The following CD151 variants were observed in gnomAD, a reference collection of about 807,000 sequenced individuals.
CD151 encodes the protein CD151 antigen.
Under a neutral mutation model 34.2 loss-of-function variants are expected in CD151, and 20 were observed. That is an observed-to-expected ratio of 0.58 (90% confidence interval 0.41 to 0.85). CD151 has a LOEUF of 0.85. Ranked by LOEUF, CD151 falls within the 40% of genes least tolerant of loss-of-function variation. The pLI is 0.00. For synonymous variants in CD151, 157 were observed against 131.7 expected (o/e 1.19, Z -1.32); for missense variants, 306 against 324.5 (o/e 0.94, Z 0.44).
chr11:834,365 AG>A (rs2133955659), intron 1 of CD151, 164 bp from the exon 2 acceptor site: 1 of 152,596 alleles, frequency 6.6e-6, no homozygotes, highest in Admixed American at 6.5e-5. Flanking sequence ...TCTCAAAAAA[AG>A]AAAAAAAGAA....
Position 837,480 on chromosome 11 carries a change from C to T in CD151, c.477C>T (p.Asn159=), listed in dbSNP as rs1162525540. ...TGCAGTTCCACTGCTGTGGCAGCAACAACTCACAGGACTGGCGAGACAGTG... is the reference window on the plus strand; with the variant it reads ...TGCAGTTCCACTGCTGTGGCAGCAATAACTCACAGGACTGGCGAGACAGTG... ...LQQEFHCCGS[N]NSQDWRDSEW... The change falls in exon 7 of 9, where the codon AAC becomes AAT. Residue 159 remains asparagine (N), a synonymous_variant. Transcript: ENST00000397420. 5 of 1,612,966 alleles carry T rather than the reference C, an allele frequency of 3.1e-6. No individual in the cohort carries two copies. The highest frequency in any genetic ancestry group is 4.2e-6 in the Non-Finnish European group (5 of 1,179,968).
chr11:836,819 C>T lies in CD151; in HGVS notation c.327C>T (p.Ile109=), dbSNP rs1385806659. The T allele has an allele frequency of 1.2e-6, 2 of 1,612,746 alleles. No individual in the cohort carries two copies. Among genetic ancestry groups the T allele is most frequent in the Admixed American group, 1.7e-5 (1 of 60,000 alleles). ...IIFLLEIIAG[I]LAYAYYQQLN... Reference sequence around the variant, plus strand: ...TTCTGCTGGAGATCATCGCTGGTATCCTCGCCTACGCCTACTACCAGCAGG... The same window carrying T: ...TTCTGCTGGAGATCATCGCTGGTATTCTCGCCTACGCCTACTACCAGCAGG... The change falls in exon 5 of 9, where the codon ATC becomes ATT. Residue 109 remains isoleucine, a synonymous_variant. Transcript: ENST00000397420.
Position 836,413 on chromosome 11 carries a change from T to A in CD151, c.247T>A (p.Phe83Ile). 6.2e-7 allele frequency: 1 copy of A among 1,610,890 alleles called. No homozygotes were observed. The highest frequency in any genetic ancestry group is 8.5e-7 in the Non-Finnish European group (1 of 1,179,620). Residue 83 changes from phenylalanine to isoleucine, a missense_variant, in exon 4 of 9, where the codon TTC (phenylalanine) becomes ATC (isoleucine). Transcript: ENST00000397420. The part of the protein sequence containing the change: ...VTGVLGCCAT[F>I]KERRNLLRLY... ...TGGGGTCTTGGGCTGCTGCGCCACC[T>A]TCAAGGAGCGTCGGAACCTGCTGCG...
intron 2 of CD151, 55 bp downstream of exon 2, chr11:834,646 G>C (rs1479291155): frequency 6.6e-6 from 1 of 151,456 alleles, no homozygotes; most frequent in Non-Finnish European, 1.5e-5. Flanking sequence ...GTCCAGACCT[G>C]GCTGTGCTGT....
chr11:833,539 C>T (rs922733878), intron 1 of CD151, among the ~76,000 whole-genome samples: 3 of 152,238 alleles, frequency 2.0e-5, no homozygotes, highest in Admixed American at 2.0e-4. Flanking sequence ...CTGGGGCTCC[C>T]CCTGATAGGG....
intron 1 of CD151, among the ~76,000 whole-genome samples, chr11:833,736 A>G (rs949610296): frequency 3.1e-5 from 4 of 128,834 alleles, no homozygotes; most frequent in Non-Finnish European, 6.8e-5. Flanking sequence ...CAACTTCTCC[A>G]GAAAGCCTGG....
At chr11:836,953 G>A (rs1365080382) in intron 5 of CD151, 110 bp downstream of exon 5, 1 of 956,050 alleles carries the variant, frequency 1.0e-6, no homozygotes, top group African/African-American at 1.6e-5. Context: ...TGGTCCCAGA[G>A]CTAACCAATG....
chr11:837,972 A>C lies in CD151; in HGVS notation c.646A>C (p.Ile216Leu), dbSNP rs778535154. 1 of 1,613,174 alleles carries C rather than the reference A, an allele frequency of 6.2e-7. No homozygotes were observed. The highest frequency in any genetic ancestry group is 1.3e-5 in the African/African-American group (1 of 74,940). Residue 216 changes from isoleucine to leucine, a missense_variant, in exon 8 of 9, where the codon ATC (isoleucine) becomes CTC (leucine). Ile to Leu is a conservative substitution (Grantham distance 5). Transcript: ENST00000397420. Reference sequence around the variant, plus strand: ...CTGCATCACCAAGTTGGAGACCTTCATCCAGGAGCACCTGAGGGTCATTGG... The same window carrying C: ...CTGCATCACCAAGTTGGAGACCTTCCTCCAGGAGCACCTGAGGGTCATTGG... ...GGCITKLETF[I>L]QEHLRVIGAV...
At position 835,878 on chromosome 11, in the gene CD151, G is replaced by A. The variant is rs34037130; in HGVS notation, c.-7-185G>A. The A allele has an allele frequency of 0.015, 8,567 of 571,142 alleles. 103 individuals are homozygous for A. The highest frequency in any genetic ancestry group is 0.017 in the South Asian group (871 of 51,160). The allele number at this position is 571,142 out of a possible 1,614,324, so 35.4% of individuals were successfully genotyped here. On this transcript the variant is annotated intron_variant, in intron 2 of 8. Transcript: ENST00000397420. ...AATTTTTTGTATTTCTAGTACAGAC[G>A]GGGTTTCACCGTGTTAGCCAGGATG...
rs1846822203 is a variant in CD151 at position 837,547 on chromosome 11, G to A, written c.544G>A (p.Asp182Asn). 6.2e-7 allele frequency: 1 copy of A among 1,613,034 alleles called. No individual in the cohort carries two copies. Among genetic ancestry groups the A allele is most frequent in the Admixed American group, 1.7e-5 (1 of 59,992 alleles). Residue 182 changes from aspartate (D) to asparagine (N), a missense_variant, in exon 7 of 9, where the codon GAC (aspartate) becomes AAC (asparagine). Asp to Asn is a conservative substitution (Grantham distance 23). Transcript: ENST00000397420. ...GGAGGCCGGTGGCCGTGTGGTCCCAGACAGCTGCTGCAAGACGGTGGTGGC... is the reference window on the plus strand; with the variant it reads ...GGAGGCCGGTGGCCGTGTGGTCCCAAACAGCTGCTGCAAGACGGTGGTGGC... ...SQEAGGRVVP[D>N]SCCKTVVALC... is the part of the protein sequence containing the mutation.
chr11:836,215 T>C (rs1344084194), intron 3 of CD151, 36 bp from the exon 4 acceptor site: 1 of 1,450,334 alleles, frequency 6.9e-7, no homozygotes, highest in Admixed American at 1.7e-5. Flanking sequence ...CCATCAGACC[T>C]GGGCAGATGC....
intron 1 of CD151, 74 bp from the exon 2 acceptor site, chr11:834,456 A>G (rs1034147226): frequency 6.6e-6 from 1 of 152,406 alleles, no homozygotes; most frequent in Non-Finnish European, 1.5e-5. Context: ...CTCTGCCTCC[A>G]GAATGAACCC....
At position 836,451 on chromosome 11, in the gene CD151, G is replaced by T; in HGVS notation, c.276+9G>T. Reference sequence around the variant, plus strand: ...GGAACCTGCTGCGCCTGGTCAGGAGGGCGCAGGGCCACGGGGTGGGGGTGG... The same window carrying T: ...GGAACCTGCTGCGCCTGGTCAGGAGTGCGCAGGGCCACGGGGTGGGGGTGG... On this transcript the variant is annotated intron_variant, in intron 4 of 8. Coordinates refer to ENST00000397420, the MANE Select transcript of CD151 (RefSeq NM_004357.5). 1 of 1,596,994 alleles carries T rather than the reference G, an allele frequency of 6.3e-7. No homozygotes were observed. The highest frequency in any genetic ancestry group is 8.5e-7 in the Non-Finnish European group (1 of 1,173,086).
intron 1 of CD151, among the ~76,000 whole-genome samples, chr11:833,818 C>CCCCCCCA (rs1846644622): frequency 4.1e-5 from 1 of 24,454 alleles, no homozygotes; most frequent in African/African-American, 1.1e-4. Flanking sequence ...AGACGCACAC[C>CCCCCCCA]CCGCCCCCCG....
In CD151 at chr11:838,405, T is replaced by C; in HGVS notation, c.*213T>C. 1 of 590,668 alleles carries C rather than the reference T, an allele frequency of 1.7e-6. No individual in the cohort carries two copies. Among genetic ancestry groups the C allele is most frequent in the South Asian group, 2.0e-5 (1 of 50,502 alleles). 36.6% of individuals were successfully genotyped at this position (590,668 alleles called of 1,614,324 possible). A position where few individuals can be genotyped will look rare whatever the true frequency, so the allele number is the denominator to read the frequency against. ...GGCGGGGCGAAGTTTGGGGGGTGTT[T>C]TGTGGGGCTCCCCAGACACACTCTC... On this transcript the variant is annotated 3_prime_UTR_variant, in exon 9 of 9. Transcript: ENST00000397420.
At position 838,280 on chromosome 11, in the gene CD151, C is replaced by T. The variant is rs1846858700; in HGVS notation, c.*88C>T. On this transcript the variant is annotated 3_prime_UTR_variant, in exon 9 of 9. Coordinates refer to ENST00000397420, the MANE Select transcript of CD151 (RefSeq NM_004357.5). ...GGCTGGGCTCCCTGATGACACCCAC[C>T]CTGTGCCATCACCATAACCTCTGGG... 4 of 1,096,088 alleles carry T rather than the reference C, an allele frequency of 3.6e-6. No homozygotes were observed. The highest frequency in any genetic ancestry group is 2.5e-5 in the South Asian group (2 of 79,072). 67.9% of individuals were successfully genotyped at this position (1,096,088 alleles called of 1,614,324 possible).
Position 838,279 on chromosome 11 carries a change from C to T in CD151, c.*87C>T. The stretch of plus-strand genomic sequence containing the variant: ...GGGCTGGGCTCCCTGATGACACCCA[C>T]CCTGTGCCATCACCATAACCTCTGG... On this transcript the variant is annotated 3_prime_UTR_variant, in exon 9 of 9. Coordinates refer to ENST00000397420, the MANE Select transcript of CD151 (RefSeq NM_004357.5). The T allele has an allele frequency of 8.1e-6, 9 of 1,113,870 alleles. No individual in the cohort carries two copies. The highest frequency in any genetic ancestry group is 1.1e-5 in the Non-Finnish European group (8 of 731,166). The allele number at this position is 1,113,870 out of a possible 1,614,324, so 69.0% of individuals were successfully genotyped here.
intron 7 of CD151, 31 bp downstream of exon 7, chr11:837,649 G>A: frequency 1.3e-6 from 2 of 1,565,474 alleles, no homozygotes; most frequent in Non-Finnish European, 8.6e-7. Context: ...TGCCTCCAGT[G>A]TCTACGAGGT....
Position 838,323 on chromosome 11 carries a change from C to A in CD151, c.*131C>A. On this transcript the variant is annotated 3_prime_UTR_variant, in exon 9 of 9. Transcript: ENST00000397420. ...CCTCTGGGGACCCCAACCTCAGAGGCAGCTTCAAGTGCCTTTTGCTGCGCA... is the reference window on the plus strand; with the variant it reads ...CCTCTGGGGACCCCAACCTCAGAGGAAGCTTCAAGTGCCTTTTGCTGCGCA... 1 of 746,222 alleles carries A rather than the reference C, an allele frequency of 1.3e-6. No homozygotes were observed. The highest frequency in any genetic ancestry group is 2.3e-6 in the Non-Finnish European group (1 of 436,538). 46.2% of individuals were successfully genotyped at this position (746,222 alleles called of 1,614,324 possible). A position where few individuals can be genotyped will look rare whatever the true frequency, so the allele number is the denominator to read the frequency against.
Sources: allele counts gnomAD v4.1 joint callset (sites outside exome capture counted in the v4.1 genomes callset), GRCh38; gene constraint gnomAD v4.1.1; transcripts MANE v1.5; gene names NCBI Gene and HGNC (gene_info 2026-07-23, HGNC 2026-07-21).